BRWD1: variants seen among roughly 807,000 people sequenced by gnomAD.
The protein encoded by BRWD1 is bromodomain and WD repeat-containing protein 1.
A neutral mutation model predicts 251.2 loss-of-function variants in BRWD1; 82 were observed. That is an observed-to-expected ratio of 0.33 (90% CI 0.27 to 0.39). The LOEUF is 0.39. BRWD1 is among the 10% of genes least tolerant of loss of function. The pLI is 1.00. For missense variants in BRWD1, 2,233 were observed against 2,711.6 expected (o/e 0.82, Z 3.92); for synonymous variants, 918 against 902.8 (o/e 1.02, Z -0.30).
rs1403421118 is a variant in BRWD1, at chr21:39,193,340, G to A, written c.*2919C>T. ...TTACAAAAAGGGAGGCTGACCTTAG[G>A]AATTATTTGAATATGGGATAAACTT... On this transcript the variant is annotated 3_prime_UTR_variant, in exon 41 of 41. Coordinates refer to ENST00000342449, the MANE Select transcript of BRWD1 (RefSeq NM_033656.4). 2 of 984,716 alleles carry A rather than the reference G, an allele frequency of 2.0e-6. No individual in the cohort carries two copies. Among genetic ancestry groups the A allele is most frequent in the African/African-American group, 3.5e-5 (2 of 57,198 alleles). 61.0% of individuals were successfully genotyped at this position (984,716 alleles called of 1,614,324 possible). A position where few individuals can be genotyped will look rare whatever the true frequency, so the allele number is the denominator to read the frequency against.
rs1005875921 is a variant in BRWD1, at chr21:39,193,299, A to G, written c.*2960T>C. 67 of 985,070 alleles carry G rather than the reference A, an allele frequency of 6.8e-5. No individual in the cohort carries two copies. The highest frequency in any genetic ancestry group is 8.0e-5 in the Non-Finnish European group (66 of 829,752). 61.0% of individuals were successfully genotyped at this position (985,070 alleles called of 1,614,324 possible). A position where few individuals can be genotyped will look rare whatever the true frequency, so the allele number is the denominator to read the frequency against. ...GATTAATAAACTGAGAAATGATTTA[A>G]TCAGATATTTGCCACTTACAAAAAG... On this transcript the variant is annotated 3_prime_UTR_variant, in exon 41 of 41. Coordinates refer to ENST00000342449, the MANE Select transcript of BRWD1 (RefSeq NM_033656.4).
At chr21:39,264,221 G>A (rs1024476280) in intron 17 of BRWD1, among the ~76,000 whole-genome samples, 3 of 151,926 alleles carry the variant, frequency 2.0e-5, no homozygotes, top group Admixed American at 6.6e-5. Context: ...AGTGTAAAAC[G>A]TCCTAATTGT....
chr21:39,216,007 C>CA (rs1200426867), intron 31 of BRWD1, among the ~76,000 whole-genome samples: 1 of 151,512 alleles, frequency 6.6e-6, no homozygotes, highest in Non-Finnish European at 1.5e-5. Flanking sequence ...CAAAAACAAA[C>CA]AAAAAAACAA....
chr21:39,235,658 C>A lies in BRWD1; in HGVS notation c.2766+937G>T. The A allele has an allele frequency of 1.4e-5, 3 of 218,374 alleles. No homozygotes were observed. The South Asian group carries it at 2.5e-4, about 18-fold the overall frequency. The allele number at this position is 218,374 out of a possible 1,614,324, so 13.5% of individuals were successfully genotyped here. A position where few individuals can be genotyped will look rare whatever the true frequency, so the allele number is the denominator to read the frequency against. On this transcript the variant is annotated intron_variant, in intron 23 of 40. Transcript: ENST00000342449. ...AACTCCCCAAATTCTTTCCCCAAGT[C>A]GGCTCCTTAACAAAAGCTCTGGGTT...
intron 15 of BRWD1, among the ~76,000 whole-genome samples, chr21:39,266,009 T>C (rs150787465): frequency 6.6e-6 from 1 of 152,322 alleles, no homozygotes; most frequent in East Asian, 1.9e-4. Context: ...AACTCTACAG[T>C]GTAGAGCTAT....
intron 29 of BRWD1, among the ~76,000 whole-genome samples, chr21:39,223,140 A>G (rs1030385004): frequency 6.6e-6 from 1 of 152,188 alleles, no homozygotes; most frequent in African/African-American, 2.4e-5. Context: ...AAACAGACAA[A>G]ATCTGAATAA....
At chr21:39,212,746 T>C in intron 33 of BRWD1, 39 bp from the exon 34 acceptor site, 3 of 1,374,384 alleles carry the variant, frequency 2.2e-6, no homozygotes, top group Non-Finnish European at 3.0e-6. Flanking sequence ...ATTTAGAGTC[T>C]CATTAGAAAA....
At chr21:39,245,727 A>G (rs1288103387) in intron 21 of BRWD1, among the ~76,000 whole-genome samples, 1 of 151,716 alleles carries the variant, frequency 6.6e-6, no homozygotes, top group Admixed American at 6.6e-5. Context: ...AGCCTCCCAA[A>G]TAGCTGGGAT....
intron 4 of BRWD1, among the ~76,000 whole-genome samples, chr21:39,306,128 G>A (rs2036280110): frequency 6.7e-6 from 1 of 149,872 alleles, no homozygotes; most frequent in African/African-American, 2.5e-5. Context: ...GGAGTGCAGT[G>A]GTGCAATCTT....
At chr21:39,316,589 G>A (rs1023388320), upstream of BRWD1, among the ~76,000 whole-genome samples, 1 of 152,196 alleles carries the variant, frequency 6.6e-6, no homozygotes, top group Admixed American at 6.5e-5. Context: ...TCTGGTCATT[G>A]TCCAAAATTA....
At chr21:39,293,105 T>A (rs2035862314) in intron 8 of BRWD1, among the ~76,000 whole-genome samples, 1 of 152,234 alleles carries the variant, frequency 6.6e-6, no homozygotes, top group Non-Finnish European at 1.5e-5. Context: ...GGCCATGGGT[T>A]GACAGATACA....
intron 8 of BRWD1, among the ~76,000 whole-genome samples, chr21:39,281,260 A>ACTTT (rs2035448319): frequency 6.6e-6 from 1 of 152,196 alleles, no homozygotes; most frequent in Non-Finnish European, 1.5e-5. Context: ...TACAGTATTG[A>ACTTT]TTGAAAAAGA....
intron 11 of BRWD1, among the ~76,000 whole-genome samples, chr21:39,277,039 A>T (rs556597096): frequency 2.0e-5 from 3 of 152,228 alleles, no homozygotes; most frequent in Non-Finnish European, 4.4e-5. Flanking sequence ...CAAAAATTTA[A>T]GATAACATTC....
intron 40 of BRWD1, among the ~76,000 whole-genome samples, chr21:39,197,882 T>G (rs1490712269): frequency 6.6e-6 from 1 of 152,196 alleles, no homozygotes; most frequent in Non-Finnish European, 1.5e-5. Context: ...TATAATCTTA[T>G]GAGACCACCA....
intron 19 of BRWD1, among the ~76,000 whole-genome samples, chr21:39,252,335 A>G (rs887987048): frequency 2.0e-5 from 3 of 152,206 alleles, no homozygotes; most frequent in Admixed American, 6.5e-5. Flanking sequence ...CTAGGCACAA[A>G]AAGAATTACT....
intron 34 of BRWD1, 97 bp from the exon 35 acceptor site, chr21:39,211,026 A>C: frequency 1.6e-6 from 2 of 1,241,894 alleles, no homozygotes; most frequent in Non-Finnish European, 2.2e-6. Context: ...AAAATACAAT[A>C]ATGTCATATA....
chr21:39,289,776 G>A (rs1056296468), intron 8 of BRWD1, among the ~76,000 whole-genome samples: 5 of 152,126 alleles, frequency 3.3e-5, no homozygotes, highest in Non-Finnish European at 5.9e-5. Flanking sequence ...TGTAATCCCA[G>A]CACTTTGCGA....
At chr21:39,315,422 C>A (rs2036681362), upstream of BRWD1, among the ~76,000 whole-genome samples, 1 of 151,972 alleles carries the variant, frequency 6.6e-6, no homozygotes, top group South Asian at 2.1e-4. Context: ...ATCACGAGGT[C>A]AGGAAATCAA....
Position 39,189,822 on chromosome 21 carries a change from T to C in BRWD1, c.*6437A>G. The C allele has an allele frequency of 1.0e-6, 1 of 985,318 alleles. No homozygotes were observed. The highest frequency in any genetic ancestry group is 1.2e-6 in the Non-Finnish European group (1 of 829,864). 61.0% of individuals were successfully genotyped at this position (985,318 alleles called of 1,614,324 possible). On this transcript the variant is annotated 3_prime_UTR_variant, in exon 41 of 41. Transcript: ENST00000342449. ...CAGGGTTAGAAGTCAAATTTGTGTG[T>C]TAGGGTACAAGCTTAAGAACTCTGG...
Sources: gnomAD v4.1 joint callset for allele counts (sites outside exome capture counted in the v4.1 genomes callset) on GRCh38, gnomAD v4.1.1 for gene constraint, MANE v1.5 for transcripts, NCBI Gene and HGNC (gene_info 2026-07-23, HGNC 2026-07-21) for gene names.